Variants in PCDHA7 observed in about 807,000 individuals in gnomAD.
PCDHA7 encodes the protein protocadherin alpha 7, also known as protocadherin alpha-7.
PCDHA7 carries 37 observed loss-of-function variants against 57.2 expected under a neutral mutation model. That is an observed-to-expected ratio of 0.65 (90% CI 0.50 to 0.85). The LOEUF (loss-of-function observed/expected upper bound fraction) is 0.85. Ranked by LOEUF, PCDHA7 falls within the 40% of genes least tolerant of loss-of-function variation. The pLI is 0.00. For missense variants in PCDHA7, 1,188 were observed against 1,241.8 expected (o/e 0.96, Z 0.65); for synonymous variants, 553 against 558.8 (o/e 0.99, Z 0.15).
At position 140,877,299 on chromosome 5, in the gene PCDHA7, C is replaced by A. The variant is rs374061607; in HGVS notation, c.2355+40561C>A. 1,401 of 1,613,926 alleles carry A rather than the reference C, an allele frequency of 8.7e-4. 20 individuals carry two copies. The South Asian group carries it at 0.013, about 15-fold the overall frequency. On this transcript the variant is annotated intron_variant, in intron 1 of 3. Transcript: ENST00000525929. ...CCGGCTATAACGCTTGGCTGTCCTA[C>A]GAGTTGCAACCGGCGGCGGTCGGCG...
intron 3 of PCDHA7, among the ~76,000 whole-genome samples, chr5:140,984,425 A>G (rs1488284803): frequency 6.6e-6 from 1 of 152,174 alleles, no homozygotes; most frequent in Non-Finnish European, 1.5e-5. Context: ...GAGATAGAGA[A>G]GGGGATCTCC....
rs782453395 is a variant in PCDHA7 at position 140,875,890 on chromosome 5, G to T, written c.2355+39152G>T. 79 of 1,614,062 alleles carry T rather than the reference G, an allele frequency of 4.9e-5. No homozygotes were observed. Among genetic ancestry groups the T allele is most frequent in the Non-Finnish European group, 5.9e-5 (70 of 1,180,034 alleles). On this transcript the variant is annotated intron_variant, in intron 1 of 3. Coordinates refer to ENST00000525929, the MANE Select transcript of PCDHA7 (RefSeq NM_018910.3). ...GGTGTTCAGAGAAAGGGAACAAAAG[G>T]TACCTGTTTCTGAATCTGCGCCTCT...
rs369536692 is a variant in PCDHA7 at position 140,876,705 on chromosome 5, C to T, written c.2355+39967C>T. The T allele has an allele frequency of 2.0e-5, 33 of 1,614,240 alleles. No individual in the cohort carries two copies. In the African/African-American group the frequency reaches 3.3e-4, roughly 16 times the overall value. ...ATTACTACTCGTTGGTGCTGGACAG[C>T]GCCCTGGACCGCGAGAGCGTGTCGG... On this transcript the variant is annotated intron_variant, in intron 1 of 3. Transcript: ENST00000525929.
chr5:140,932,920 A>G (rs1397195310), intron 1 of PCDHA7, among the ~76,000 whole-genome samples: 3 of 152,034 alleles, frequency 2.0e-5, no homozygotes, highest in Non-Finnish European at 4.4e-5. Flanking sequence ...CAACAACTAA[A>G]TTAACTTAGC....
chr5:140,841,580 A>T (rs1777346702), intron 1 of PCDHA7: 1 of 1,613,870 alleles, frequency 6.2e-7, no homozygotes, highest in South Asian at 1.1e-5. Context: ...TTTGTTTGTG[A>T]ATTCTCGGAT....
chr5:140,913,276 CT>C (rs1468388675), intron 1 of PCDHA7, among the ~76,000 whole-genome samples: 1 of 152,070 alleles, frequency 6.6e-6, no homozygotes, highest in Non-Finnish European at 1.5e-5. Flanking sequence ...TGTTATTGGT[CT>C]GTTTAGGTTT....
At chr5:140,938,055 T>C (rs1475337267) in intron 1 of PCDHA7, among the ~76,000 whole-genome samples, 1 of 152,232 alleles carries the variant, frequency 6.6e-6, no homozygotes, top group African/African-American at 2.4e-5. Flanking sequence ...TTTCTACATA[T>C]ACTGTCATGC....
chr5:140,870,314 A>C (rs1253656655), intron 1 of PCDHA7: 6 of 1,613,546 alleles, frequency 3.7e-6, no homozygotes, highest in Non-Finnish European at 5.1e-6. Context: ...AAGAATTACT[A>C]CTCGTTGGTG....
chr5:140,904,134 C>T (rs1583515585), intron 1 of PCDHA7, among the ~76,000 whole-genome samples: 2 of 152,002 alleles, frequency 1.3e-5, no homozygotes, highest in Admixed American at 6.6e-5. Flanking sequence ...ACCCATCACC[C>T]GAGCAGTATA....
intron 1 of PCDHA7, among the ~76,000 whole-genome samples, chr5:140,949,632 T>C (rs932981591): frequency 2.6e-5 from 4 of 151,894 alleles, no homozygotes; most frequent in Non-Finnish European, 5.9e-5. Flanking sequence ...TCATGGCATA[T>C]TGCTTTTTGT....
intron 3 of PCDHA7, among the ~76,000 whole-genome samples, chr5:141,004,282 G>T (rs1444607316): frequency 3.3e-5 from 5 of 152,190 alleles, no homozygotes; most frequent in African/African-American, 1.2e-4. Context: ...ACATGCTGCT[G>T]AGCTCTCAGA....
rs782706939 is a variant in PCDHA7 at position 140,967,257 on chromosome 5, G to C, written c.2356-11692G>C. ...CAGGTAAGCGAATCGGTGGCGCCTG[G>C]AGCGCGCTTTCACATAGAGAGTGCG... is the stretch of plus-strand genomic sequence containing the variant. On this transcript the variant is annotated intron_variant, in intron 1 of 3. Coordinates refer to ENST00000525929, the MANE Select transcript of PCDHA7 (RefSeq NM_018910.3). 1.9e-6 allele frequency: 3 copies of C among 1,613,486 alleles called. No individual in the cohort carries two copies. The highest frequency in any genetic ancestry group is 1.3e-5 in the African/African-American group (1 of 75,062).
At chr5:140,903,567 G>T (rs1554191019) in intron 1 of PCDHA7, among the ~76,000 whole-genome samples, 1 of 152,170 alleles carries the variant, frequency 6.6e-6, no homozygotes, top group African/African-American at 2.4e-5. Flanking sequence ...GTGGAATTGG[G>T]AGCTGTCTAG....
chr5:140,849,915 A>T (rs1554143492), intron 1 of PCDHA7: 3 of 1,598,260 alleles, frequency 1.9e-6, no homozygotes, highest in Non-Finnish European at 8.6e-7. Context: ...GGGCTGCCAC[A>T]TCTTCACGGT....
intron 1 of PCDHA7, among the ~76,000 whole-genome samples, chr5:140,977,973 A>G (rs1336063493): frequency 4.6e-5 from 7 of 152,178 alleles, no homozygotes; most frequent in Admixed American, 3.9e-4. Flanking sequence ...TCCGCCCATG[A>G]AAACGCATCT....
At chr5:141,004,030 C>T (rs1337271425) in intron 3 of PCDHA7, among the ~76,000 whole-genome samples, 1 of 152,204 alleles carries the variant, frequency 6.6e-6, no homozygotes, top group Non-Finnish European at 1.5e-5. Flanking sequence ...GAAACATTTC[C>T]TTGATTGATC....
chr5:140,936,016 C>G (rs1170221921), intron 1 of PCDHA7, among the ~76,000 whole-genome samples: 1 of 151,732 alleles, frequency 6.6e-6, no homozygotes, highest in Non-Finnish European at 1.5e-5. Context: ...CCTCAGCCTC[C>G]CGAGTAGCGG....
intron 1 of PCDHA7, among the ~76,000 whole-genome samples, chr5:140,974,639 G>A (rs896104665): frequency 2.0e-5 from 3 of 152,198 alleles, no homozygotes; most frequent in African/African-American, 7.2e-5. Context: ...AACCTCCCGA[G>A]TAGCTGAGAT....
chr5:140,859,385 G>C (rs1252027820), intron 1 of PCDHA7: 2 of 270,486 alleles, frequency 7.4e-6, no homozygotes, highest in African/African-American at 4.6e-5. Flanking sequence ...AGCTTCTCTA[G>C]TCATCTTAAA....
Sources: gnomAD v4.1 joint callset for allele counts (sites outside exome capture counted in the v4.1 genomes callset) on GRCh38, gnomAD v4.1.1 for gene constraint, MANE v1.5 for transcripts, NCBI Gene and HGNC (gene_info 2026-07-23, HGNC 2026-07-21) for gene names.